Variants in DENND6A observed in about 807,000 individuals in gnomAD.
DENND6A encodes the protein DENN domain containing 6A.
Under a neutral mutation model 95.5 loss-of-function variants are expected in DENND6A, and 43 were observed. The ratio of observed to expected loss-of-function variants is 0.45; its 90% confidence interval spans 0.35 to 0.58. The LOEUF is 0.58. Among genes scored for constraint, DENND6A ranks in the 20% least tolerant of loss-of-function variants. DENND6A has a pLI of 0.00. For missense variants in DENND6A, 574 were observed against 736.0 expected, an observed-to-expected ratio of 0.78 and a Z score of 2.55; for synonymous variants, 257 against 260.4, an observed-to-expected ratio of 0.99 and a Z score of 0.13.
At position 57,628,214 on chromosome 3, in the gene DENND6A, T is replaced by C; in HGVS notation, c.1827A>G (p.Ter609TrpextTer38). The change falls in exon 20 of 20, where the codon TGA (stop) becomes TGG (tryptophan). Residue 609 changes from the stop codon to tryptophan (W), a stop_lost. Coordinates refer to ENST00000311128, the MANE Select transcript of DENND6A (RefSeq NM_152678.3). ...TTTGGCTGGAAAATCTTGGCAAATA[T>C]CATGTCATGCCCGTTTTGAGCAGTA... ...QGILLKTGMT[*>W] 1 of 1,611,238 alleles carries C rather than the reference T, an allele frequency of 6.2e-7. No individual in the cohort carries two copies. Among genetic ancestry groups the C allele is most frequent in the Non-Finnish European group, 8.5e-7 (1 of 1,179,002 alleles).
chr3:57,690,310 C>T (rs547003670), intron 1 of DENND6A, among the ~76,000 whole-genome samples: 13 of 152,244 alleles, frequency 8.5e-5, no homozygotes, highest in African/African-American at 2.9e-4. Flanking sequence ...TCGAGACCAT[C>T]CTGGCTAACA....
intron 7 of DENND6A, 109 bp from the exon 8 acceptor site, chr3:57,659,289 A>C (rs1452491853): frequency 9.1e-7 from 1 of 1,098,570 alleles, no homozygotes; most frequent in Non-Finnish European, 1.4e-6. Flanking sequence ...AAGCTACAAA[A>C]ACAAAATTAT....
chr3:57,653,562 C>T (rs960772123), intron 9 of DENND6A, among the ~76,000 whole-genome samples: 16 of 151,718 alleles, frequency 1.1e-4, no homozygotes, highest in African/African-American at 2.2e-4. Flanking sequence ...TGGCTAACAA[C>T]GGTGAAACCC....
At chr3:57,685,161 G>C (rs540797759) in intron 1 of DENND6A, among the ~76,000 whole-genome samples, 2 of 151,394 alleles carry the variant, frequency 1.3e-5, no homozygotes, top group East Asian at 3.9e-4. Flanking sequence ...GACCTCAGCA[G>C]ATCTGCCTGC....
At chr3:57,662,683 G>GGA (rs2071445703) in intron 5 of DENND6A, among the ~76,000 whole-genome samples, 1 of 151,958 alleles carries the variant, frequency 6.6e-6, no homozygotes, top group African/African-American at 2.4e-5. Flanking sequence ...AAACTTAAGT[G>GGA]GACTCCTCTG....
intron 15 of DENND6A, 73 bp downstream of exon 15, chr3:57,633,192 G>T: frequency 1.6e-6 from 2 of 1,267,790 alleles, no homozygotes; most frequent in South Asian, 1.2e-5. Flanking sequence ...ATATGGTTTT[G>T]GAGGGCGGGA....
rs185743946 is a variant in DENND6A, at chr3:57,666,968, T to C, written c.320-733A>G. 3.1e-3 allele frequency among the ~76,000 whole-genome samples: 466 copies of C among 152,336 alleles called. 4 individuals carry two copies. The highest frequency in any genetic ancestry group is 3.8e-3 in the Non-Finnish European group (261 of 68,032). On this transcript the variant is annotated intron_variant, in intron 3 of 19. Transcript: ENST00000311128. ...AGCTTTCTGATGATTCACTGAAAAA[T>C]AGAAAAATTTTAATGGAAATTGACT...
At chr3:57,636,554 G>C (rs2070796826) in intron 12 of DENND6A, among the ~76,000 whole-genome samples, 1 of 152,124 alleles carries the variant, frequency 6.6e-6, no homozygotes, top group Non-Finnish European at 1.5e-5. Context: ...AGATACTACG[G>C]AGACACAGAA....
chr3:57,643,904 C>A (rs2071006712), intron 11 of DENND6A, among the ~76,000 whole-genome samples: 1 of 151,304 alleles, frequency 6.6e-6, no homozygotes, highest in Non-Finnish European at 1.5e-5. Context: ...AATCCCAACA[C>A]TTTTGGGAAG....
chr3:57,678,775 C>G (rs1300489677), intron 1 of DENND6A, among the ~76,000 whole-genome samples: 1 of 152,222 alleles, frequency 6.6e-6, no homozygotes, highest in African/African-American at 2.4e-5. Context: ...TTTAAACTTT[C>G]CCCAGCCTCC....
At chr3:57,674,868 G>T (rs965075553) in intron 1 of DENND6A, among the ~76,000 whole-genome samples, 3 of 152,154 alleles carry the variant, frequency 2.0e-5, no homozygotes, top group African/African-American at 7.2e-5. Flanking sequence ...AACTAATGCA[G>T]GAACTGAAAA....
At chr3:57,684,735 G>C (rs1396758815) in intron 1 of DENND6A, among the ~76,000 whole-genome samples, 1 of 152,184 alleles carries the variant, frequency 6.6e-6, no homozygotes, top group East Asian at 1.9e-4. Context: ...GTGCACTGTA[G>C]CCTGGTGACA....
chr3:57,684,151 CAAAA>C (rs35147242), intron 1 of DENND6A, among the ~76,000 whole-genome samples: 1 of 79,128 alleles, frequency 1.3e-5, no homozygotes, highest in African/African-American at 5.4e-5. Context: ...GACTCCGTCT[CAAAA>C]AAAAAAAAAA....
intron 1 of DENND6A, among the ~76,000 whole-genome samples, chr3:57,690,421 G>C (rs557646875): frequency 6.6e-6 from 1 of 151,916 alleles, no homozygotes; most frequent in East Asian, 2.0e-4. Context: ...GGAGAATGGC[G>C]TGAACCTGGG....
At chr3:57,678,996 C>A (rs1234577002) in intron 1 of DENND6A, among the ~76,000 whole-genome samples, 9 of 152,222 alleles carry the variant, frequency 5.9e-5, no homozygotes, top group Non-Finnish European at 8.8e-5. Context: ...CACAGCTACT[C>A]AGGAAGCTGA....
At chr3:57,690,701 AT>A (rs1272796216) in intron 1 of DENND6A, among the ~76,000 whole-genome samples, 2 of 151,442 alleles carry the variant, frequency 1.3e-5, no homozygotes. Flanking sequence ...AAAAAAAAAA[AT>A]CAGAGAAGGG....
chr3:57,671,267 G>A (rs1342435222), intron 3 of DENND6A, among the ~76,000 whole-genome samples: 1 of 152,210 alleles, frequency 6.6e-6, no homozygotes, highest in Non-Finnish European at 1.5e-5. Context: ...GCTCACGCCT[G>A]TAATCCCAGG....
At chr3:57,692,264 C>A (rs9853703) in intron 1 of DENND6A, among the ~76,000 whole-genome samples, 56,012 of 144,942 alleles carry the variant, frequency 0.39, 12,066 homozygotes, top group South Asian at 0.57. Flanking sequence ...AAATGAGGCA[C>A]AAAAGGAGGA....
rs139610099 is a variant in DENND6A, at chr3:57,650,407, T to C, written c.819-3969A>G. Among the ~76,000 whole-genome samples the C allele has an allele frequency of 4.6e-3, 633 of 136,468 alleles. 6 individuals carry two copies. The highest frequency in any genetic ancestry group is 0.016 in the African/African-American group (614 of 38,540). 89.5% of individuals were successfully genotyped at this position (136,468 alleles called of 152,430 possible). ...AATTTAATATATGAGTGTGTATATA[T>C]ACATGCATTTACATACACACACACA... On this transcript the variant is annotated intron_variant, in intron 9 of 19. Transcript: ENST00000311128.
Sources: allele counts gnomAD v4.1 joint callset (sites outside exome capture counted in the v4.1 genomes callset), GRCh38; gene constraint gnomAD v4.1.1; transcripts MANE v1.5; gene names NCBI Gene and HGNC (gene_info 2026-07-23, HGNC 2026-07-21).